The following GPR63 variants were observed in gnomAD, a reference collection of about 807,000 sequenced individuals.
GPR63 encodes the protein probable G protein-coupled receptor 63.
In GPR63, 12 loss-of-function variants were observed where a neutral mutation model predicts 23.1. The ratio of observed to expected loss-of-function variants is 0.52; its 90% confidence interval spans 0.33 to 0.84. The LOEUF is 0.84. GPR63 is among the 40% of genes least tolerant of loss of function. The pLI is 0.02. For missense variants in GPR63, 472 were observed against 515.6 expected (o/e 0.92, Z 0.82); for synonymous variants, 172 against 191.1 (o/e 0.90, Z 0.82).
chr6:96,824,450 T>A (rs1431080828), intron 1 of GPR63, among the ~76,000 whole-genome samples: 1 of 152,000 alleles, frequency 6.6e-6, no homozygotes, highest in Non-Finnish European at 1.5e-5. Flanking sequence ...ATTTTAATAT[T>A]CAGTCAAGTT....
At chr6:96,831,676 G>A (rs191672408) in intron 1 of GPR63, among the ~76,000 whole-genome samples, 39 of 152,180 alleles carry the variant, frequency 2.6e-4, no homozygotes, top group Middle Eastern at 3.4e-3. Flanking sequence ...GGACGCTGAG[G>A]TAGGCAGATC....
intron 1 of GPR63, among the ~76,000 whole-genome samples, chr6:96,831,047 T>C (rs569534494): frequency 1.3e-5 from 2 of 152,320 alleles, no homozygotes; most frequent in East Asian, 1.9e-4. Context: ...ATTTAAACCT[T>C]CCAAATTTAT....
intron 1 of GPR63, 110 bp from the exon 2 acceptor site, chr6:96,799,991 C>T (rs1016083203): frequency 1.3e-5 from 6 of 479,254 alleles, no homozygotes; most frequent in African/African-American, 1.9e-5. Context: ...TCTTTTTGAC[C>T]GTTTAAAAAT....
chr6:96,825,752 G>T (rs932027615), intron 1 of GPR63, among the ~76,000 whole-genome samples: 2 of 151,846 alleles, frequency 1.3e-5, no homozygotes, highest in Non-Finnish European at 2.9e-5. Flanking sequence ...ATCACCTGAT[G>T]AATGGAATCA....
In GPR63 at chr6:96,823,101, C is replaced by G. The variant is rs374153212; in HGVS notation, c.-151+14167G>C. 2.4e-4 allele frequency among the ~76,000 whole-genome samples: 36 copies of G among 152,282 alleles called. No homozygotes were observed. In the South Asian group the frequency reaches 7.3e-3, roughly 31 times the overall value. On this transcript the variant is annotated intron_variant, in intron 1 of 1. Transcript: ENST00000229955. ...CAGTTGTATAAAAGTCTAGCACATA[C>G]AGCACATAATACTGAACAAACATAA...
chr6:96,818,407 G>A (rs1444376291), intron 1 of GPR63, among the ~76,000 whole-genome samples: 1 of 151,908 alleles, frequency 6.6e-6, no homozygotes, highest in Non-Finnish European at 1.5e-5. Flanking sequence ...ATGTTGCAAT[G>A]AGCTAAGATC....
chr6:96,822,514 C>T (rs1398862955), intron 1 of GPR63, among the ~76,000 whole-genome samples: 1 of 152,126 alleles, frequency 6.6e-6, no homozygotes, highest in Non-Finnish European at 1.5e-5. Context: ...CTGAAATTAC[C>T]TTCACTTGCC....
intron 1 of GPR63, among the ~76,000 whole-genome samples, chr6:96,834,883 T>C (rs1168193121): frequency 6.6e-6 from 1 of 152,180 alleles, no homozygotes; most frequent in East Asian, 1.9e-4. Flanking sequence ...TTTCACAAAT[T>C]GGAGTACCAG....
chr6:96,835,810 T>C (rs1440519331), intron 1 of GPR63, among the ~76,000 whole-genome samples: 2 of 152,230 alleles, frequency 1.3e-5, no homozygotes, highest in Non-Finnish European at 2.9e-5. Context: ...CTGGTTATTC[T>C]GGGATGATTT....
At chr6:96,800,799 T>G (rs1424793158) in intron 1 of GPR63, among the ~76,000 whole-genome samples, 5 of 152,192 alleles carry the variant, frequency 3.3e-5, no homozygotes, top group African/African-American at 4.8e-5. Context: ...GATCAGAATA[T>G]GTCAACCAAA....
At chr6:96,833,814 G>A (rs1774651910) in intron 1 of GPR63, among the ~76,000 whole-genome samples, 1 of 131,258 alleles carries the variant, frequency 7.6e-6, no homozygotes, top group African/African-American at 3.1e-5. Flanking sequence ...ACAGTATCTG[G>A]CTGGGGGTTT....
At position 96,802,156 on chromosome 6, in the gene GPR63, C is replaced by T. The variant is rs143551601; in HGVS notation, c.-150-2275G>A. Among the ~76,000 whole-genome samples, 477 of 152,206 alleles carry T rather than the reference C, an allele frequency of 3.1e-3. 2 individuals carry two copies. The highest frequency in any genetic ancestry group is 0.02 in the Middle Eastern group (6 of 294). On this transcript the variant is annotated intron_variant, in intron 1 of 1. Transcript: ENST00000229955. ...TGTTTAAAATATTTCATTTCCTTGACCATGTTAAGGAACAAAAACAAAAAA... is the reference window on the plus strand; with the variant it reads ...TGTTTAAAATATTTCATTTCCTTGATCATGTTAAGGAACAAAAACAAAAAA...
intron 1 of GPR63, among the ~76,000 whole-genome samples, chr6:96,819,735 C>CA (rs199823591): frequency 0.01 from 1,419 of 141,686 alleles, 20 homozygotes; most frequent in African/African-American, 0.027. Flanking sequence ...AAAAAAAAAA[C>CA]AAAAAAACAA....
Position 96,799,298 on chromosome 6 carries a change from G to A in GPR63, c.434C>T (p.Thr145Ile), listed in dbSNP as rs1416767277. The A allele has an allele frequency of 6.2e-7, 1 of 1,614,116 alleles. No homozygotes were observed. The highest frequency in any genetic ancestry group is 1.3e-5 in the African/African-American group (1 of 75,028). ...MPFALVTILT[T>I]RWIFGKFFCR... The stretch of plus-strand genomic sequence containing the variant: ...GAAGAATTTCCCAAAAATCCATCGG[G>A]TAGTAAGAATAGTTACCAGGGCAAA... Residue 145 changes from threonine (T) to isoleucine (I), a missense_variant, in exon 2 of 2, where the codon ACC becomes ATC. Transcript: ENST00000229955.
At chr6:96,823,387 TTG>T (rs1348068032) in intron 1 of GPR63, among the ~76,000 whole-genome samples, 1 of 152,040 alleles carries the variant, frequency 6.6e-6, no homozygotes, top group African/African-American at 2.4e-5. Context: ...TTGTGTGTGT[TTG>T]TGTCTTAGTT....
At position 96,798,939 on chromosome 6, in the gene GPR63, T is replaced by C. The variant is rs750411716; in HGVS notation, c.793A>G (p.Ile265Val). Residue 265 changes from isoleucine (I) to valine (V), a missense_variant, in exon 2 of 2, where the codon ATA becomes GTA. By Grantham distance (29) the Ile-to-Val change is conservative (BLOSUM62 3). Coordinates refer to ENST00000229955, the MANE Select transcript of GPR63 (RefSeq NM_030784.4). ...GCATTGTGCCGAAGGGTGTTGAGTA[T>C]GCCCATAAATGAGTACAGTATTACC... ...FLVILYSFMG[I>V]LNTLRHNALR... 1 of 1,614,146 alleles carries C rather than the reference T, an allele frequency of 6.2e-7. No individual in the cohort carries two copies. The highest frequency in any genetic ancestry group is 8.5e-7 in the Non-Finnish European group (1 of 1,180,024).
Position 96,824,650 on chromosome 6 carries a change from G to GA in GPR63, c.-151+12617dup, listed in dbSNP as rs5878450. ...ATTCATTTTGAACTTTTAAAAAAAT[G>GA]AAAAAAAAAAAAAATGATAAAATGG... On this transcript the variant is annotated intron_variant, in intron 1 of 1. Coordinates refer to ENST00000229955, the MANE Select transcript of GPR63 (RefSeq NM_030784.4). 4.9e-3 allele frequency among the ~76,000 whole-genome samples: 695 copies of GA among 142,048 alleles called. 5 individuals are homozygous for GA. Among genetic ancestry groups the GA allele is most frequent in the Non-Finnish European group, 7.3e-3 (479 of 65,986 alleles). The allele number at this position is 142,048 out of a possible 152,430, so 93.2% of individuals were successfully genotyped here. A position where few individuals can be genotyped will look rare whatever the true frequency, so the allele number is the denominator to read the frequency against.
intron 1 of GPR63, among the ~76,000 whole-genome samples, chr6:96,803,710 ATT>A (rs1773828017): frequency 6.6e-6 from 1 of 152,198 alleles, no homozygotes; most frequent in Non-Finnish European, 1.5e-5. Context: ...ATCAAATATC[ATT>A]GTCACCTGAA....
intron 1 of GPR63, among the ~76,000 whole-genome samples, chr6:96,815,031 G>T (rs1435054233): frequency 5.3e-5 from 8 of 152,196 alleles, no homozygotes; most frequent in Non-Finnish European, 8.8e-5. Flanking sequence ...CTATGGGAAT[G>T]AAGAATGTTT....
Sources: gnomAD v4.1 joint callset for allele counts (sites outside exome capture counted in the v4.1 genomes callset) on GRCh38, gnomAD v4.1.1 for gene constraint, MANE v1.5 for transcripts, NCBI Gene and HGNC (gene_info 2026-07-23, HGNC 2026-07-21) for gene names.